Variants in ZNF334 observed in about 807,000 individuals in gnomAD.
ZNF334 encodes zinc finger protein 334.
ZNF334 carries 14 observed loss-of-function variants against 12.4 expected under a neutral mutation model. That is an observed-to-expected ratio of 1.13 (90% CI 0.74 to 1.76). ZNF334 has a LOEUF of 1.76. Ranked by LOEUF, ZNF334 falls within the 40% of genes most tolerant of loss-of-function variation. ZNF334 has a pLI of 0.00. For missense variants in ZNF334, 797 were observed against 804.5 expected, an observed-to-expected ratio of 0.99 and a Z score of 0.11; for synonymous variants, 273 against 269.6, an observed-to-expected ratio of 1.01 and a Z score of -0.12.
chr20:46,507,771 T>C (rs1342299751), intron 2 of ZNF334, among the ~76,000 whole-genome samples: 1 of 152,206 alleles, frequency 6.6e-6, no homozygotes, highest in Non-Finnish European at 1.5e-5. Flanking sequence ...TAATGAGGCC[T>C]TTCCCGCTAT....
the ZNF334 span, among the ~76,000 whole-genome samples, chr20:46,479,195 C>T: frequency 6.6e-5 from 10 of 152,120 alleles, no homozygotes; most frequent in African/African-American, 1.9e-4. Context: ...TGTCTCCTTG[C>T]CTTTTCTTGC....
At chr20:46,469,922 G>A in the ZNF334 span, among the ~76,000 whole-genome samples, 102 of 152,066 alleles carry the variant, frequency 6.7e-4, no homozygotes, top group African/African-American at 2.4e-3. Context: ...TATTATGAAT[G>A]GGTTGGAGAA....
At chr20:46,464,242 TTGAC>T in the ZNF334 span, 2 of 542,780 alleles carry the variant, frequency 3.7e-6, no homozygotes, top group Admixed American at 4.0e-5. Context: ...CATTGCCTCC[TTGAC>T]TTTCTGGATG....
At chr20:46,463,490 C>T in the ZNF334 span, among the ~76,000 whole-genome samples, 1 of 152,130 alleles carries the variant, frequency 6.6e-6, no homozygotes, top group Admixed American at 6.5e-5. Context: ...TCTTTAGAAG[C>T]GCATATCCCT....
chr20:46,470,809 G>A, the ZNF334 span, among the ~76,000 whole-genome samples: 1 of 152,086 alleles, frequency 6.6e-6, no homozygotes, highest in Non-Finnish European at 1.5e-5. Flanking sequence ...TTTTATTACT[G>A]TACAATATTT....
rs769881708 is a variant in ZNF334 at position 46,501,482 on chromosome 20, T to C, written c.1857A>G (p.Arg619=). ...FCHKSAFRVH[R]RIHTGEKPYE... ...ATGGTTTCTCTCCTGTGTGAATTCT[T>C]CTATGGACTCTGAAGGCTGACTTAT... Residue 619 remains arginine (R), a synonymous_variant, in exon 5 of 5, where the codon AGA becomes AGG. Coordinates refer to ENST00000692313, the MANE Select transcript of ZNF334 (RefSeq NM_001353824.2). 2 of 1,613,690 alleles carry C rather than the reference T, an allele frequency of 1.2e-6. No homozygotes were observed. The highest frequency in any genetic ancestry group is 3.3e-5 in the Admixed American group (2 of 59,996).
chr20:46,467,873 T>C, the ZNF334 span, among the ~76,000 whole-genome samples: 2 of 152,242 alleles, frequency 1.3e-5, no homozygotes, highest in Admixed American at 6.5e-5. Context: ...TTAGTAACAA[T>C]GTGTTCATCA....
chr20:46,498,763 A>T (rs906974580), downstream of ZNF334, among the ~76,000 whole-genome samples: 2 of 152,248 alleles, frequency 1.3e-5, no homozygotes, highest in African/African-American at 4.8e-5. Context: ...TGGAAATAGG[A>T]TTGTTGCAGA....
the ZNF334 span, chr20:46,491,304 C>T: frequency 6.5e-6 from 1 of 152,796 alleles, no homozygotes; most frequent in Non-Finnish European, 1.5e-5. Context: ...AAAACTCATA[C>T]TCAAAGGAAG....
the ZNF334 span, among the ~76,000 whole-genome samples, chr20:46,481,750 A>T: frequency 6.6e-5 from 10 of 152,310 alleles, no homozygotes; most frequent in South Asian, 1.9e-3. Context: ...AACACATCAA[A>T]CTATGCTAAT....
intron 2 of ZNF334, chr20:46,505,649 T>C (rs973711218): frequency 1.8e-4 from 28 of 153,804 alleles, no homozygotes; most frequent in African/African-American, 6.5e-4. Flanking sequence ...CTTCAGTCCG[T>C]GGGCAAAATC....
the ZNF334 span, among the ~76,000 whole-genome samples, chr20:46,487,254 T>C: frequency 1.3e-5 from 2 of 152,224 alleles, no homozygotes; most frequent in Non-Finnish European, 1.5e-5. Flanking sequence ...TTAATCTGTC[T>C]ATATTTGTAT....
the ZNF334 span, among the ~76,000 whole-genome samples, chr20:46,488,994 A>T: frequency 6.6e-6 from 1 of 151,668 alleles, no homozygotes; most frequent in South Asian, 2.1e-4. Flanking sequence ...AATGTGTCTG[A>T]GTGTAATTCT....
the ZNF334 span, among the ~76,000 whole-genome samples, chr20:46,494,390 T>C: frequency 6.6e-6 from 1 of 152,182 alleles, no homozygotes; most frequent in African/African-American, 2.4e-5. Flanking sequence ...CCAGGTGTGC[T>C]TCCTTTCCAT....
At position 46,512,812 on chromosome 20, in the gene ZNF334, T is replaced by A. The variant is rs2061700528; in HGVS notation, c.-311A>T. ...GAAAAAAATATTTACTAAGTCGTAA[T>A]TTTAATATAAGATAAATTGGTTTTT... is the stretch of plus-strand genomic sequence containing the variant. On this transcript the variant is annotated 5_prime_UTR_variant, in exon 1 of 5. Transcript: ENST00000692313. 6.6e-6 allele frequency: 1 copy of A among 152,242 alleles called. No individual in the cohort carries two copies. The highest frequency in any genetic ancestry group is 2.4e-5 in the African/African-American group (1 of 41,462). The allele number at this position is 152,242 out of a possible 1,614,324, so 9.4% of individuals were successfully genotyped here. A position where few individuals can be genotyped will look rare whatever the true frequency, so the allele number is the denominator to read the frequency against.
At position 46,502,161 on chromosome 20, in the gene ZNF334, G is replaced by GT; in HGVS notation, c.1177dup (p.Thr393AsnfsTer14). 1 of 1,613,928 alleles carries GT rather than the reference G, an allele frequency of 6.2e-7. No homozygotes were observed. The highest frequency in any genetic ancestry group is 8.5e-7 in the Non-Finnish European group (1 of 1,179,966). On this transcript the variant is annotated frameshift_variant, in exon 5 of 5. Transcript: ENST00000692313. LOFTEE classifies it low-confidence loss of function (END_TRUNC). ...CCCTGTGTGAATTCTCTGATGCGCA[G>GT]TAAGGGCTGACTGACAGAAGAAGGT...
Position 46,501,422 on chromosome 20 carries a change from G to A in ZNF334, c.1917C>T (p.Arg639=). The A allele has an allele frequency of 1.2e-6, 2 of 1,613,782 alleles. No homozygotes were observed. The highest frequency in any genetic ancestry group is 8.5e-7 in the Non-Finnish European group (1 of 1,179,926). ...ECNQCGKTYR[R]LWTLTEHQKI... is the part of the protein sequence containing the mutation. ...TCTGATGTTCAGTGAGAGTCCACAG[G>A]CGACGGTAGGTTTTCCCACATTGAT... Residue 639 remains arginine, a synonymous_variant, in exon 5 of 5, where the codon CGC becomes CGT. Transcript: ENST00000692313.
chr20:46,500,257 C>T lies in ZNF334; in HGVS notation c.*1039G>A, dbSNP rs2145926626. On this transcript the variant is annotated 3_prime_UTR_variant, in exon 5 of 5. Transcript: ENST00000692313. ...AGCTAGGAATGGGTATAGGGAAAAT[C>T]CCACTCATGGAAATCAGAACTTGAA... 1 of 152,258 alleles carries T rather than the reference C, an allele frequency of 6.6e-6. No individual in the cohort carries two copies. The highest frequency in any genetic ancestry group is 3.4e-3 in the Middle Eastern group (1 of 294). 9.4% of individuals were successfully genotyped at this position (152,258 alleles called of 1,614,324 possible).
At chr20:46,464,504 T>C in the ZNF334 span, 1 of 493,216 alleles carries the variant, frequency 2.0e-6, no homozygotes, top group Admixed American at 2.3e-5. Context: ...CTTGCTGCAC[T>C]GCACAGCAAA....
Sources: allele counts gnomAD v4.1 joint callset (sites outside exome capture counted in the v4.1 genomes callset), GRCh38; gene constraint gnomAD v4.1.1; transcripts MANE v1.5; gene names NCBI Gene and HGNC (gene_info 2026-07-23, HGNC 2026-07-21).